Variants in NINL observed in about 807,000 individuals in gnomAD.
NINL encodes ninein-like protein.
A neutral mutation model predicts 160.3 loss-of-function variants in NINL; 153 were observed. That is an observed-to-expected ratio of 0.95 (90% CI 0.84 to 1.09). The LOEUF (loss-of-function observed/expected upper bound fraction) is 1.09. NINL is among the 50% of genes least tolerant of loss of function. The pLI is 0.00. For missense variants in NINL, 1,829 were observed against 1,764.0 expected, an observed-to-expected ratio of 1.04 and a Z score of -0.66; for synonymous variants, 800 against 734.8, an observed-to-expected ratio of 1.09 and a Z score of -1.43.
At chr20:25,570,487 CAT>C (rs1033487063) in intron 1 of NINL, among the ~76,000 whole-genome samples, 3 of 152,124 alleles carry the variant, frequency 2.0e-5, no homozygotes, top group Admixed American at 6.6e-5. Flanking sequence ...CGCCTTCCGC[CAT>C]GATTGGAAGC....
intron 1 of NINL, among the ~76,000 whole-genome samples, chr20:25,539,159 G>A (rs2064614762): frequency 6.6e-6 from 1 of 152,214 alleles, no homozygotes; most frequent in Admixed American, 6.5e-5. Context: ...CACACTCACA[G>A]CATCAGCTGG....
At chr20:25,455,634 G>A (rs1310091162) in intron 23 of NINL, 39 bp downstream of exon 23, 1 of 1,443,400 alleles carries the variant, frequency 6.9e-7, no homozygotes, top group Admixed American at 1.7e-5. Context: ...GCGTTCAGAA[G>A]AGGACGTGAA....
At chr20:25,559,137 G>GT (rs1246661594) in intron 1 of NINL, among the ~76,000 whole-genome samples, 10 of 152,200 alleles carry the variant, frequency 6.6e-5, no homozygotes, top group African/African-American at 1.4e-4. Flanking sequence ...ATAGGGCCAC[G>GT]TAAGGCAAGG....
intron 10 of NINL, 138 bp from the exon 11 acceptor site, chr20:25,491,663 C>T: frequency 2.0e-6 from 2 of 1,014,470 alleles, no homozygotes; most frequent in African/African-American, 3.2e-5. Flanking sequence ...CTTGGCTGAG[C>T]TGCCCATGCT....
At chr20:25,578,281 T>A (rs2065138414) in intron 1 of NINL, among the ~76,000 whole-genome samples, 1 of 151,824 alleles carries the variant, frequency 6.6e-6, no homozygotes, top group Admixed American at 6.6e-5. Context: ...CTAATTTTTC[T>A]ATTTTTGGTA....
intron 1 of NINL, among the ~76,000 whole-genome samples, chr20:25,535,981 T>C (rs2064549311): frequency 6.6e-6 from 1 of 152,110 alleles, no homozygotes; most frequent in Non-Finnish European, 1.5e-5. Context: ...AAGCACACCC[T>C]TGTGAACTTC....
intron 1 of NINL, among the ~76,000 whole-genome samples, chr20:25,541,179 T>C (rs1038838919): frequency 7.2e-5 from 11 of 152,234 alleles, no homozygotes; most frequent in African/African-American, 2.7e-4. Flanking sequence ...TCTCTGGTTT[T>C]AATGTGGGTT....
chr20:25,476,635 C>G lies in NINL; in HGVS notation c.2656G>C (p.Glu886Gln), dbSNP rs1460089033. 1.1e-5 allele frequency: 18 copies of G among 1,592,266 alleles called. No homozygotes were observed. Among genetic ancestry groups the G allele is most frequent in the Admixed American group, 3.4e-5 (2 of 58,908 alleles). ...GPRRRQAQDT[E>Q]ATQSPAPAPA... is the part of the protein sequence containing the mutation. ...GCGGGGGCCGGGCTCTGCGTAGCTT[C>G]TGTGTCCTGGGCTTGCCTGCGGCGA... The change falls in exon 17 of 24, where the codon GAA becomes CAA. Residue 886 changes from glutamate (E) to glutamine (Q), a missense_variant. By Grantham distance (29) the Glu-to-Gln change is conservative. Coordinates refer to ENST00000278886, the MANE Select transcript of NINL (RefSeq NM_025176.6).
chr20:25,467,075 G>T (rs73335306), intron 19 of NINL, among the ~76,000 whole-genome samples: 1 of 152,172 alleles, frequency 6.6e-6, no homozygotes, highest in African/African-American at 2.4e-5. Flanking sequence ...GCCTGCCAGC[G>T]TCTATGAGAA....
intron 1 of NINL, among the ~76,000 whole-genome samples, chr20:25,562,095 A>G (rs868633864): frequency 1.7e-3 from 141 of 83,144 alleles, no homozygotes; most frequent in African/African-American, 6.6e-3. Context: ...CCCCCCGCCC[A>G]GCCAGCCGCC....
intron 10 of NINL, among the ~76,000 whole-genome samples, chr20:25,494,228 G>A (rs2146717967): frequency 1.4e-5 from 2 of 146,292 alleles, no homozygotes; most frequent in Middle Eastern, 3.9e-3. Context: ...CACCCCACAG[G>A]CCCCATACAT....
At chr20:25,481,384 C>A (rs1356527143) in intron 14 of NINL, among the ~76,000 whole-genome samples, 1 of 152,174 alleles carries the variant, frequency 6.6e-6, no homozygotes, top group Non-Finnish European at 1.5e-5. Context: ...AGCACCTGGA[C>A]CCCCATTCTC....
intron 11 of NINL, among the ~76,000 whole-genome samples, chr20:25,490,318 T>C (rs961270799): frequency 6.6e-6 from 1 of 152,154 alleles, no homozygotes; most frequent in African/African-American, 2.4e-5. Flanking sequence ...CCCAGCACTT[T>C]GGGAGGCCGA....
At chr20:25,584,603 C>T (rs6050690) in intron 1 of NINL, among the ~76,000 whole-genome samples, 114,938 of 152,192 alleles carry the variant, frequency 0.76, 44,144 homozygotes, top group Non-Finnish European at 0.82. Flanking sequence ...CCTCTTACTA[C>T]TGACCTTGAA....
chr20:25,501,720 A>G (rs1372046879), intron 7 of NINL, among the ~76,000 whole-genome samples: 1 of 151,904 alleles, frequency 6.6e-6, no homozygotes, highest in Non-Finnish European at 1.5e-5. Flanking sequence ...TGCAGCCTCC[A>G]CCTCCTGGAC....
Position 25,455,697 on chromosome 20 carries a change from C to G in NINL, c.3933G>C (p.Glu1311Asp). The G allele has an allele frequency of 6.2e-7, 1 of 1,614,010 alleles. No individual in the cohort carries two copies. Among genetic ancestry groups the G allele is most frequent in the African/African-American group, 1.3e-5 (1 of 75,050 alleles). ...ILKNMEMLLQ[E>D]KVDKLKEQFE... ...CCTGCTCCTTCAGCTTATCCACTTT[C>G]TCTTGGAGGAGCATTTCCATATTCT... Residue 1311 changes from glutamate to aspartate, a missense_variant, in exon 23 of 24, where the codon GAG (glutamate) becomes GAC (aspartate). Physicochemically the swap from Glu to Asp is conservative, Grantham distance 45 (BLOSUM62 2). Coordinates refer to ENST00000278886, the MANE Select transcript of NINL (RefSeq NM_025176.6).
At chr20:25,463,110 T>C (rs2062832522) in intron 19 of NINL, among the ~76,000 whole-genome samples, 1 of 152,144 alleles carries the variant, frequency 6.6e-6, no homozygotes, top group African/African-American at 2.4e-5. Flanking sequence ...TGGGGGCACT[T>C]GACACCCTAC....
intron 1 of NINL, among the ~76,000 whole-genome samples, chr20:25,560,858 C>T (rs1358185813): frequency 2.0e-5 from 3 of 152,016 alleles, no homozygotes; most frequent in East Asian, 1.9e-4. Context: ...ATATCTTTCA[C>T]GAATTAAGGT....
At chr20:25,502,826 C>T (rs1199188090) in intron 7 of NINL, among the ~76,000 whole-genome samples, 1 of 152,198 alleles carries the variant, frequency 6.6e-6, no homozygotes, top group Non-Finnish European at 1.5e-5. Flanking sequence ...CTTCCTGAGG[C>T]CTCCCCAGAA....
Sources: allele counts gnomAD v4.1 joint callset (sites outside exome capture counted in the v4.1 genomes callset), GRCh38; gene constraint gnomAD v4.1.1; transcripts MANE v1.5; gene names NCBI Gene and HGNC (gene_info 2026-07-23, HGNC 2026-07-21).